The following PLA2G4A variants were observed in gnomAD, a reference collection of about 807,000 sequenced individuals.
The protein encoded by PLA2G4A is phospholipase A2 group IVA, also known as cytosolic phospholipase A2.
PLA2G4A carries 40 observed loss-of-function variants against 81.9 expected under a neutral mutation model. The observed-to-expected ratio is 0.49, with a 90% CI of 0.38 to 0.64. The LOEUF (loss-of-function observed/expected upper bound fraction) is 0.64. Ranked by LOEUF, PLA2G4A falls within the 30% of genes least tolerant of loss-of-function variation. The pLI is 0.00. For synonymous variants in PLA2G4A, 302 were observed against 296.9 expected (o/e 1.02, Z -0.18); for missense variants, 715 against 905.1 (o/e 0.79, Z 2.69).
At chr1:186,982,059 T>C (rs944086830) in intron 17 of PLA2G4A, among the ~76,000 whole-genome samples, 2 of 152,228 alleles carry the variant, frequency 1.3e-5, no homozygotes, top group African/African-American at 4.8e-5. Context: ...CAATATCAGA[T>C]AGACTGTAGA....
chr1:186,841,239 G>T (rs910455427), intron 1 of PLA2G4A, among the ~76,000 whole-genome samples: 9 of 152,132 alleles, frequency 5.9e-5, no homozygotes, highest in Non-Finnish European at 1.0e-4. Context: ...AAAGATGAAA[G>T]TGATTCTTTT....
At chr1:186,848,296 A>G (rs1486065673) in intron 1 of PLA2G4A, among the ~76,000 whole-genome samples, 1 of 152,158 alleles carries the variant, frequency 6.6e-6, no homozygotes, top group Non-Finnish European at 1.5e-5. Context: ...TGCTGAAGTA[A>G]TATTTTTCTT....
At chr1:186,836,586 A>T (rs952438712) in intron 1 of PLA2G4A, among the ~76,000 whole-genome samples, 4 of 152,198 alleles carry the variant, frequency 2.6e-5, no homozygotes, top group Admixed American at 6.5e-5. Flanking sequence ...AGCTATTTAG[A>T]TAATATCTAC....
intron 14 of PLA2G4A, among the ~76,000 whole-genome samples, chr1:186,961,799 T>C (rs1044090981): frequency 2.6e-5 from 4 of 152,186 alleles, no homozygotes; most frequent in Admixed American, 1.3e-4. Flanking sequence ...TTTCATTAGA[T>C]TAGGGAAAAT....
At chr1:186,881,258 T>C (rs1050076191) in intron 3 of PLA2G4A, among the ~76,000 whole-genome samples, 10 of 152,084 alleles carry the variant, frequency 6.6e-5, no homozygotes, top group African/African-American at 2.4e-4. Flanking sequence ...AATGTACAGC[T>C]TAACTTGGAG....
At chr1:186,936,123 A>G (rs1655934011) in intron 8 of PLA2G4A, among the ~76,000 whole-genome samples, 1 of 151,918 alleles carries the variant, frequency 6.6e-6, no homozygotes, top group Admixed American at 6.6e-5. Flanking sequence ...GTTGACTGCC[A>G]AGTTTGTACA....
rs1657958966 is a variant in PLA2G4A, at chr1:186,988,361, C to T, written c.2119-16C>T. On this transcript the variant is annotated splice_polypyrimidine_tract_variant and intron_variant, in intron 17 of 17. Coordinates refer to ENST00000367466, the MANE Select transcript of PLA2G4A (RefSeq NM_024420.3). The stretch of plus-strand genomic sequence containing the variant: ...CATAGCAGCGCTAATTATACAACTT[C>T]TGTCTCTATTTGCAGGTGATAAAAG... 2.5e-6 allele frequency: 4 copies of T among 1,602,956 alleles called. No homozygotes were observed. The highest frequency in any genetic ancestry group is 3.4e-6 in the Non-Finnish European group (4 of 1,170,958).
chr1:186,950,620 CCTGAAATG>C (rs1656522318), intron 12 of PLA2G4A, 29 bp from the exon 13 acceptor site: 11 of 1,123,048 alleles, frequency 9.8e-6, no homozygotes, highest in Non-Finnish European at 1.5e-5. Flanking sequence ...AATTTTGACA[CCTGAAATG>C]CTTCAATTTT....
At position 186,932,821 on chromosome 1, in the gene PLA2G4A, C is replaced by T; in HGVS notation, c.617C>T (p.Ser206Phe). The T allele has an allele frequency of 6.2e-7, 1 of 1,613,228 alleles. No homozygotes were observed. The highest frequency in any genetic ancestry group is 8.5e-7 in the Non-Finnish European group (1 of 1,179,246). ...GGGFRAMVGF[S>F]GVMKALYESG... ...GGTTTCCGAGCCATGGTGGGATTCTCTGGTGTGATGAAGGCATTATACGAA... is the reference window on the plus strand; with the variant it reads ...GGTTTCCGAGCCATGGTGGGATTCTTTGGTGTGATGAAGGCATTATACGAA... The change falls in exon 8 of 18, where the codon TCT becomes TTT. Residue 206 changes from serine (S) to phenylalanine (F), a missense_variant. Ser to Phe is a radical substitution (Grantham distance 155). Coordinates refer to ENST00000367466, the MANE Select transcript of PLA2G4A (RefSeq NM_024420.3).
intron 7 of PLA2G4A, among the ~76,000 whole-genome samples, chr1:186,919,866 C>T (rs1290063573): frequency 6.6e-6 from 1 of 152,148 alleles, no homozygotes; most frequent in East Asian, 1.9e-4. Context: ...GTCCTTGGTC[C>T]CTGGCTTAGG....
In PLA2G4A at chr1:186,940,072, C is replaced by T. The variant is rs142795349; in HGVS notation, c.1011C>T (p.Asp337=). 243 of 1,594,338 alleles carry T rather than the reference C, an allele frequency of 1.5e-4. 2 individuals carry two copies. In the African/African-American group the frequency reaches 2.6e-3, roughly 17 times the overall value. ...PLFTCLHVKP[D]VSELMFADWV... is the part of the protein sequence containing the mutation. The stretch of plus-strand genomic sequence containing the variant: ...TCACCTGTCTTCATGTCAAACCTGA[C>T]GTTTCAGAGCTGATGTTTGCAGGTA... Residue 337 remains aspartate (D), a synonymous_variant, in exon 10 of 18, where the codon GAC becomes GAT. Transcript: ENST00000367466.
chr1:186,948,026 G>C (rs547622219), intron 12 of PLA2G4A, among the ~76,000 whole-genome samples: 1 of 152,192 alleles, frequency 6.6e-6, no homozygotes, highest in African/African-American at 2.4e-5. Flanking sequence ...ACATTAATTG[G>C]AACATTAAGT....
intron 7 of PLA2G4A, among the ~76,000 whole-genome samples, chr1:186,931,546 A>G (rs1655745812): frequency 6.7e-6 from 1 of 149,880 alleles, no homozygotes; most frequent in South Asian, 2.1e-4. Context: ...TATTATTATT[A>G]TTATTATTAT....
At chr1:186,864,994 T>C (rs1652973175) in intron 2 of PLA2G4A, among the ~76,000 whole-genome samples, 1 of 151,172 alleles carries the variant, frequency 6.6e-6, no homozygotes, top group South Asian at 2.1e-4. Flanking sequence ...TCCAAGCTAC[T>C]TGGGAGGCTG....
At position 186,939,200 on chromosome 1, in the gene PLA2G4A, G is replaced by A. The variant is rs1656057711; in HGVS notation, c.888G>A (p.Gly296=). The A allele has an allele frequency of 2.5e-6, 4 of 1,592,244 alleles. No homozygotes were observed. Among genetic ancestry groups the A allele is most frequent in the Non-Finnish European group, 3.4e-6 (4 of 1,160,506 alleles). The change falls in exon 9 of 18, where the codon GGG becomes GGA. Residue 296 remains glycine (G), a synonymous_variant. Transcript: ENST00000367466. ...GQPVTFTDIF[G]MLIGETLIHN... ...CTGTCACCTTTACTGATATCTTTGGGATGTTAATAGGAGAAACACTAATTC... is the reference window on the plus strand; with the variant it reads ...CTGTCACCTTTACTGATATCTTTGGAATGTTAATAGGAGAAACACTAATTC...
At chr1:186,854,186 T>C (rs1426189319) in intron 1 of PLA2G4A, 100 bp from the exon 2 acceptor site, 20 of 587,486 alleles carry the variant, frequency 3.4e-5, no homozygotes, top group Non-Finnish European at 4.9e-5. Flanking sequence ...CTAGTGTCCT[T>C]GGGTAGACTT....
chr1:186,977,839 G>A (rs569764752), intron 16 of PLA2G4A, 51 bp downstream of exon 16: 14 of 1,159,932 alleles, frequency 1.2e-5, no homozygotes, highest in South Asian at 7.4e-5. Flanking sequence ...AGTAGGGGAC[G>A]AAACTGACAT....
chr1:186,923,152 G>A (rs929536794), intron 7 of PLA2G4A, among the ~76,000 whole-genome samples: 2 of 152,138 alleles, frequency 1.3e-5, no homozygotes, highest in African/African-American at 4.8e-5. Context: ...ACAAGCACAA[G>A]CCACCATGCC....
chr1:186,868,875 T>C (rs1221411920), intron 2 of PLA2G4A, among the ~76,000 whole-genome samples: 2 of 151,954 alleles, frequency 1.3e-5, no homozygotes, highest in African/African-American at 4.8e-5. Context: ...TGTAATAATG[T>C]CCCTTATCAT....
Sources: gnomAD v4.1 joint callset for allele counts (sites outside exome capture counted in the v4.1 genomes callset) on GRCh38, gnomAD v4.1.1 for gene constraint, MANE v1.5 for transcripts, NCBI Gene and HGNC (gene_info 2026-07-23, HGNC 2026-07-21) for gene names.